Variants in GSE1 observed in about 807,000 individuals in gnomAD.
GSE1 encodes the protein genetic suppressor element 1.
A neutral mutation model predicts 112.6 loss-of-function variants in GSE1; 32 were observed. The observed-to-expected ratio is 0.28, with a 90% confidence interval of 0.21 to 0.38. GSE1 has a LOEUF of 0.38. Among genes scored for constraint, GSE1 ranks in the 10% least tolerant of loss-of-function variants. GSE1 has a pLI of 1.00. For missense variants in GSE1, 2,348 were observed against 1,699.2 expected, an observed-to-expected ratio of 1.38 and a Z score of -6.71; for synonymous variants, 1,115 against 735.6, an observed-to-expected ratio of 1.52 and a Z score of -8.35.
rs139281655 is a variant in GSE1, at chr16:85,272,215, C to A, written c.2284-85248C>A. Among the ~76,000 whole-genome samples the A allele has an allele frequency of 3.5e-3, 531 of 152,368 alleles. 2 individuals are homozygous for A. Among genetic ancestry groups the A allele is most frequent in the African/African-American group, 0.012 (483 of 41,594 alleles). On this transcript the variant is annotated intron_variant, in intron 1 of 2. Transcript: ENST00000637419. The stretch of plus-strand genomic sequence containing the variant: ...ATGTCTGAGTTTGGGCTGCACACTT[C>A]CTAGCGTGGAGCGGATAGGGGCCCC...
intron 2 of GSE1, among the ~76,000 whole-genome samples, chr16:85,643,091 A>G (rs772182071): frequency 6.6e-6 from 1 of 152,072 alleles, no homozygotes; most frequent in Non-Finnish European, 1.5e-5. Context: ...TTTGCCCTCA[A>G]TACACTCCCT....
intron 2 of GSE1, among the ~76,000 whole-genome samples, chr16:85,516,003 G>A (rs560339777): frequency 2.0e-5 from 3 of 152,290 alleles, no homozygotes; most frequent in Admixed American, 2.0e-4. Flanking sequence ...ATGGCAGGAG[G>A]AGGAATAAAA....
Position 85,663,509 on chromosome 16 carries a change from A to G in GSE1, c.2539A>G (p.Thr847Ala). 6.2e-7 allele frequency: 1 copy of G among 1,613,868 alleles called. No individual in the cohort carries two copies. The highest frequency in any genetic ancestry group is 8.5e-7 in the Non-Finnish European group (1 of 1,179,996). Residue 847 changes from threonine to alanine, a missense_variant, in exon 11 of 16, where the codon ACC becomes GCC. Physicochemically the swap from Thr to Ala is moderately conservative, Grantham distance 58 (BLOSUM62 0). Transcript: ENST00000253458. ...QTPSPRLALS[T>A]RYSPDEMNNS... The stretch of plus-strand genomic sequence containing the variant: ...GCCTTCACCGAGACTGGCGCTGTCT[A>G]CCCGCTACAGCCCTGATGAGATGAA...
intron 2 of GSE1, chr16:85,490,438 C>A (rs1040530356): frequency 6.6e-6 from 1 of 152,376 alleles, no homozygotes; most frequent in East Asian, 1.9e-4. Flanking sequence ...TCCTGCACCC[C>A]CTTCAGAGGT....
rs144166932 is a variant in GSE1, at chr16:85,195,382, A to G, written c.2283+23575A>G. ...AACCACGTTGGAGGTGGGGGCCGTA[A>G]CCCTGGCTGGGACAGGGGTGGCAGC... On this transcript the variant is annotated intron_variant, in intron 1 of 2. Transcript: ENST00000637419. Among the ~76,000 whole-genome samples the G allele has an allele frequency of 1.3e-3, 203 of 152,236 alleles. 1 individual carries two copies. Among genetic ancestry groups the G allele is most frequent in the African/African-American group, 4.7e-3 (194 of 41,522 alleles).
At chr16:85,178,958 G>A (rs767060072) in intron 1 of GSE1, among the ~76,000 whole-genome samples, 29 of 152,220 alleles carry the variant, frequency 1.9e-4, no homozygotes, top group African/African-American at 6.3e-4. Flanking sequence ...GGACTGTGGG[G>A]CTGCCCTGGA....
At chr16:85,298,950 C>G (rs567888612) in intron 1 of GSE1, among the ~76,000 whole-genome samples, 150 of 152,262 alleles carry the variant, frequency 9.9e-4, no homozygotes, top group African/African-American at 3.5e-3. Flanking sequence ...GTGGCTGTCC[C>G]CAGTCACCTG....
rs140948982 is a variant in GSE1 at position 85,240,148 on chromosome 16, G to T, written c.2283+68341G>T. On this transcript the variant is annotated intron_variant, in intron 1 of 2. Coordinates refer to the GSE1 transcript ENST00000637419. ...GTGGGACATAGGTGTTGTTCTCCAA[G>T]CGTTCTTGTGAAGATGAAATAAGTT... Among the ~76,000 whole-genome samples the T allele has an allele frequency of 2.6e-5, 4 of 152,358 alleles. No homozygotes were observed. In the East Asian group the frequency reaches 7.7e-4, roughly 29 times the overall value.
At chr16:85,523,241 C>T (rs962289071) in intron 2 of GSE1, among the ~76,000 whole-genome samples, 2 of 146,012 alleles carry the variant, frequency 1.4e-5, no homozygotes, top group African/African-American at 5.4e-5. Context: ...GTGTTGTGTG[C>T]GTGTGACTGT....
In GSE1 at chr16:85,235,434, G is replaced by C. The variant is rs1215435728; in HGVS notation, c.2283+63627G>C. Among the ~76,000 whole-genome samples, 177 of 135,730 alleles carry C rather than the reference G, an allele frequency of 1.3e-3. 2 individuals are homozygous for C. In the South Asian group the frequency reaches 0.021, roughly 16 times the overall value. 89.0% of individuals were successfully genotyped at this position (135,730 alleles called of 152,430 possible). A position where few individuals can be genotyped will look rare whatever the true frequency, so the allele number is the denominator to read the frequency against. ...GGGGGGTGATGGAAGGGTACTGTGT[G>C]TGTGTGTGTGTGTGTGTGTGTGTGT... On this transcript the variant is annotated intron_variant, in intron 1 of 2. Coordinates refer to the GSE1 transcript ENST00000637419.
chr16:85,635,629 G>A (rs1168146876), intron 2 of GSE1, among the ~76,000 whole-genome samples: 2 of 152,230 alleles, frequency 1.3e-5, no homozygotes, highest in Non-Finnish European at 2.9e-5. Context: ...CCCAGCTCCT[G>A]CTGCTGCAGT....
At chr16:85,469,354 G>A (rs532517117) in intron 2 of GSE1, among the ~76,000 whole-genome samples, 1 of 152,342 alleles carries the variant, frequency 6.6e-6, no homozygotes, top group South Asian at 2.1e-4. Flanking sequence ...TGAAGATGGA[G>A]GCAGAGATGG....
intron 1 of GSE1, among the ~76,000 whole-genome samples, chr16:85,590,193 A>C (rs537400152): frequency 6.6e-6 from 1 of 151,458 alleles, no homozygotes; most frequent in African/African-American, 2.4e-5. Context: ...TCACTGAATG[A>C]ATGTGTGTGA....
At chr16:85,182,134 G>C (rs951842956) in intron 1 of GSE1, among the ~76,000 whole-genome samples, 1 of 152,160 alleles carries the variant, frequency 6.6e-6, no homozygotes, top group Admixed American at 6.5e-5. Flanking sequence ...GGACAGCGAG[G>C]GCTCCTGGGA....
chr16:85,204,553 T>A (rs2075082760), intron 1 of GSE1, among the ~76,000 whole-genome samples: 1 of 152,256 alleles, frequency 6.6e-6, no homozygotes, highest in African/African-American at 2.4e-5. Context: ...TGTCTGAAGT[T>A]CCAGTCCTCC....
intron 2 of GSE1, among the ~76,000 whole-genome samples, chr16:85,468,582 A>G (rs925656214): frequency 6.6e-6 from 1 of 151,654 alleles, no homozygotes; most frequent in African/African-American, 2.4e-5. Flanking sequence ...TCAGCCTCCC[A>G]AAGTGCTGGG....
chr16:85,238,276 A>G (rs1904867386), intron 1 of GSE1, among the ~76,000 whole-genome samples: 1 of 152,180 alleles, frequency 6.6e-6, no homozygotes, highest in African/African-American at 2.4e-5. Flanking sequence ...GTCCCCCTCC[A>G]GCATCTGCTG....
At chr16:85,571,523 G>A (rs1598226060) in intron 1 of GSE1, among the ~76,000 whole-genome samples, 1 of 152,340 alleles carries the variant, frequency 6.6e-6, no homozygotes. Flanking sequence ...CTGGAAGGCT[G>A]GGCCTGCAAT....
intron 1 of GSE1, among the ~76,000 whole-genome samples, chr16:85,273,114 C>T (rs1008218559): frequency 2.0e-5 from 3 of 152,168 alleles, no homozygotes; most frequent in East Asian, 3.9e-4. Flanking sequence ...GAATTGAAGC[C>T]GTGACTGGCT....
Sources: allele counts gnomAD v4.1 joint callset (sites outside exome capture counted in the v4.1 genomes callset), GRCh38; gene constraint gnomAD v4.1.1; transcripts MANE v1.5; gene names NCBI Gene and HGNC (gene_info 2026-07-23, HGNC 2026-07-21).